TMEM132D: variants seen among roughly 807,000 people sequenced by gnomAD.
TMEM132D encodes mature OL transmembrane protein.
TMEM132D carries 21 observed loss-of-function variants against 62.3 expected under a neutral mutation model. That is an observed-to-expected ratio of 0.34 (90% confidence interval 0.24 to 0.49). The LOEUF is 0.49. Among genes scored for constraint, TMEM132D ranks in the 20% least tolerant of loss-of-function variants. The pLI is 0.99. For missense variants in TMEM132D, 1,346 were observed against 1,402.8 expected (o/e 0.96, Z 0.65); for synonymous variants, 621 against 575.6 (o/e 1.08, Z -1.13).
In TMEM132D at chr12:129,095,677, C is replaced by T. The variant is rs148206638; in HGVS notation, c.1444-10975G>A. ...TGGTTTCCTTTTAAGAAGAAGAGAT[C>T]GGGGCATCAGGGCACACAGGGTAGA... On this transcript the variant is annotated intron_variant, in intron 5 of 8. Coordinates refer to ENST00000422113, the MANE Select transcript of TMEM132D (RefSeq NM_133448.3). Among the ~76,000 whole-genome samples the T allele has an allele frequency of 5.3e-5, 8 of 152,028 alleles. No individual in the cohort carries two copies. In the East Asian group the frequency reaches 5.8e-4, roughly 11 times the overall value.
intron 5 of TMEM132D, among the ~76,000 whole-genome samples, chr12:129,100,103 C>T (rs998880208): frequency 3.3e-5 from 5 of 151,596 alleles, no homozygotes; most frequent in African/African-American, 2.4e-5. Context: ...TGCAGTGGCA[C>T]GATCTTGGCT....
chr12:129,094,277 A>C (rs1365293043), intron 5 of TMEM132D, among the ~76,000 whole-genome samples: 1 of 152,216 alleles, frequency 6.6e-6, no homozygotes, highest in Non-Finnish European at 1.5e-5. Context: ...TTTGCAATCT[A>C]CCCATCTGAC....
At chr12:129,688,364 G>A (rs1261345332) in intron 2 of TMEM132D, among the ~76,000 whole-genome samples, 3 of 152,276 alleles carry the variant, frequency 2.0e-5, no homozygotes, top group Admixed American at 6.5e-5. Flanking sequence ...AAGAATCACT[G>A]CGAGAGCTTT....
intron 1 of TMEM132D, among the ~76,000 whole-genome samples, chr12:129,818,451 T>C (rs1208551308): frequency 6.7e-6 from 1 of 148,834 alleles, no homozygotes; most frequent in Non-Finnish European, 1.5e-5. Flanking sequence ...TGTGTGTCTA[T>C]GTGTGTATCT....
At chr12:129,402,300 C>T (rs1871646860) in intron 3 of TMEM132D, among the ~76,000 whole-genome samples, 1 of 152,120 alleles carries the variant, frequency 6.6e-6, no homozygotes, top group Non-Finnish European at 1.5e-5. Context: ...CAGGTGTTGT[C>T]TAGAAACAAA....
chr12:129,119,079 T>C (rs1462630212), intron 5 of TMEM132D, among the ~76,000 whole-genome samples: 1 of 152,168 alleles, frequency 6.6e-6, no homozygotes, highest in African/African-American at 2.4e-5. Flanking sequence ...GGCTGTTTCA[T>C]GAGAGGAGGT....
At chr12:129,580,171 G>A (rs1877803129) in intron 2 of TMEM132D, among the ~76,000 whole-genome samples, 2 of 152,126 alleles carry the variant, frequency 1.3e-5, no homozygotes, top group South Asian at 2.1e-4. Context: ...GTTGTCCCAG[G>A]AAGCACTTAC....
chr12:129,666,690 T>C (rs1038562563), intron 2 of TMEM132D, among the ~76,000 whole-genome samples: 6 of 152,182 alleles, frequency 3.9e-5, no homozygotes, highest in African/African-American at 1.4e-4. Flanking sequence ...TTCATTTCTA[T>C]CTGATGTCCT....
At chr12:129,214,838 G>C (rs908888040) in intron 4 of TMEM132D, among the ~76,000 whole-genome samples, 4 of 152,130 alleles carry the variant, frequency 2.6e-5, no homozygotes, top group African/African-American at 9.7e-5. Flanking sequence ...GTGGGGTAAA[G>C]GGAATACTTA....
chr12:129,509,131 T>C (rs952678405), intron 3 of TMEM132D, among the ~76,000 whole-genome samples: 4 of 152,192 alleles, frequency 2.6e-5, no homozygotes, highest in African/African-American at 9.7e-5. Flanking sequence ...TGCAGAAATG[T>C]AGAAAGCTAT....
intron 3 of TMEM132D, among the ~76,000 whole-genome samples, chr12:129,404,701 A>AATCTCATCACGGGG: frequency 6.6e-6 from 1 of 151,848 alleles, no homozygotes; most frequent in Non-Finnish European, 1.5e-5. Flanking sequence ...GAGATGCCAT[A>AATCTCATCACGGGG]CTCTTTTAAA....
chr12:129,836,445 C>G (rs1873006917), intron 1 of TMEM132D, among the ~76,000 whole-genome samples: 1 of 151,870 alleles, frequency 6.6e-6, no homozygotes, highest in Admixed American at 6.6e-5. Context: ...TATTTGTTAA[C>G]TAAATGATTC....
chr12:129,690,081 G>C (rs1477408742), intron 2 of TMEM132D, among the ~76,000 whole-genome samples: 1 of 152,194 alleles, frequency 6.6e-6, no homozygotes, highest in East Asian at 1.9e-4. Context: ...CAAAGGACAT[G>C]AGGGTAAACG....
At chr12:129,879,095 A>G (rs1222712559) in intron 1 of TMEM132D, among the ~76,000 whole-genome samples, 1 of 152,236 alleles carries the variant, frequency 6.6e-6, no homozygotes, top group Non-Finnish European at 1.5e-5. Flanking sequence ...TGTGAAATGC[A>G]GTCTATTTTC....
At chr12:129,310,917 G>A (rs1881957107) in intron 4 of TMEM132D, among the ~76,000 whole-genome samples, 1 of 152,300 alleles carries the variant, frequency 6.6e-6, no homozygotes, top group Non-Finnish European at 1.5e-5. Context: ...ACTGGAGGGA[G>A]AAAGAAAGGT....
intron 4 of TMEM132D, among the ~76,000 whole-genome samples, chr12:129,249,799 G>A (rs1318571624): frequency 3.9e-5 from 6 of 152,132 alleles, no homozygotes; most frequent in Non-Finnish European, 7.3e-5. Context: ...ACCACATTTG[G>A]AAAAGGAACC....
At chr12:129,517,303 A>G (rs537119174) in intron 3 of TMEM132D, among the ~76,000 whole-genome samples, 2 of 152,204 alleles carry the variant, frequency 1.3e-5, no homozygotes, top group Non-Finnish European at 2.9e-5. Context: ...AGTTGGTTAA[A>G]TTGAAACAAG....
At chr12:129,677,821 G>A (rs1470998432) in intron 2 of TMEM132D, among the ~76,000 whole-genome samples, 1 of 133,600 alleles carries the variant, frequency 7.5e-6, no homozygotes, top group Non-Finnish European at 1.6e-5. Context: ...AAATTTTCTA[G>A]TGATTTTGTC....
chr12:129,594,054 T>G (rs911133255), intron 2 of TMEM132D, among the ~76,000 whole-genome samples: 4 of 152,228 alleles, frequency 2.6e-5, no homozygotes, highest in African/African-American at 9.6e-5. Flanking sequence ...GGCTCACTTC[T>G]GGCTTCCGTG....
Sources: gnomAD v4.1 joint callset for allele counts (sites outside exome capture counted in the v4.1 genomes callset) on GRCh38, gnomAD v4.1.1 for gene constraint, MANE v1.5 for transcripts, NCBI Gene and HGNC (gene_info 2026-07-23, HGNC 2026-07-21) for gene names.